The following SAMD3 variants were observed in gnomAD, a reference collection of about 807,000 sequenced individuals.
SAMD3 encodes the protein sterile alpha motif domain containing 3.
Under a neutral mutation model 58.5 loss-of-function variants are expected in SAMD3, and 63 were observed. That is an observed-to-expected ratio of 1.08 (90% confidence interval 0.88 to 1.33). SAMD3 has a LOEUF of 1.33. Ranked by LOEUF, SAMD3 falls within the 40% of genes most tolerant of loss-of-function variation. The pLI, the probability that SAMD3 is intolerant of heterozygous loss-of-function variation, is 0.00. For synonymous variants in SAMD3, 220 were observed against 210.3 expected (o/e 1.05, Z -0.40); for missense variants, 604 against 608.4 (o/e 0.99, Z 0.08).
intron 2 of SAMD3, among the ~76,000 whole-genome samples, chr6:130,296,918 G>A (rs1434033957): frequency 6.6e-6 from 1 of 152,144 alleles, no homozygotes; most frequent in Non-Finnish European, 1.5e-5. Flanking sequence ...AGGATGAGGA[G>A]TTGGTACACA....
chr6:130,168,039 G>A (rs1245011395), intron 8 of SAMD3, among the ~76,000 whole-genome samples: 1 of 152,168 alleles, frequency 6.6e-6, no homozygotes. Context: ...AGAATGCAGT[G>A]GGTGGAGGGT....
At chr6:130,229,819 C>G (rs6927351) in intron 2 of SAMD3, among the ~76,000 whole-genome samples, 4 of 151,908 alleles carry the variant, frequency 2.6e-5, no homozygotes, top group African/African-American at 9.7e-5. Context: ...GTAAATGAAC[C>G]GCATAGGGAG....
chr6:130,261,190 G>A lies in SAMD3; in HGVS notation c.-187-38377C>T, dbSNP rs61704414. Among the ~76,000 whole-genome samples, 12 of 130,666 alleles carry A rather than the reference G, an allele frequency of 9.2e-5. No homozygotes were observed. The East Asian group carries it at 1.4e-3, about 15-fold the overall frequency. The allele number at this position is 130,666 out of a possible 152,430, so 85.7% of individuals were successfully genotyped here. On this transcript the variant is annotated intron_variant, in intron 2 of 13. Coordinates refer to the SAMD3 transcript ENST00000368134. Reference sequence around the variant, plus strand: ...GAAGCGTGGCCTGATCACCCACGGCGTGCCTTTATCAGCACTTTGGTTTTG... The same window carrying A: ...GAAGCGTGGCCTGATCACCCACGGCATGCCTTTATCAGCACTTTGGTTTTG...
chr6:130,326,366 C>CTTTTTTTTTT (rs1444494681), intron 1 of SAMD3, among the ~76,000 whole-genome samples: 2 of 113,264 alleles, frequency 1.8e-5, no homozygotes, highest in Non-Finnish European at 1.8e-5. Context: ...AATGCCTGGT[C>CTTTTTTTTTT]ATTTTTTTTT....
chr6:130,300,068 CA>C (rs909045631), intron 2 of SAMD3, among the ~76,000 whole-genome samples: 19 of 152,172 alleles, frequency 1.2e-4, no homozygotes, highest in Admixed American at 2.0e-4. Context: ...GAAAGTATTG[CA>C]AAAAATCAAG....
intron 4 of SAMD3, among the ~76,000 whole-genome samples, chr6:130,210,826 A>C (rs1795478763): frequency 6.6e-6 from 1 of 152,008 alleles, no homozygotes; most frequent in South Asian, 2.1e-4. Context: ...AAGTCTAATA[A>C]GAAACATTTA....
At chr6:130,150,735 A>T in intron 9 of SAMD3, among the ~76,000 whole-genome samples, 1 of 147,964 alleles carries the variant, frequency 6.8e-6, no homozygotes, top group African/African-American at 2.5e-5. Context: ...TTTTTGAGAC[A>T]GAATCTCACT....
intron 2 of SAMD3, among the ~76,000 whole-genome samples, chr6:130,308,350 ATT>A (rs1775980494): frequency 8.8e-5 from 1 of 11,408 alleles, no homozygotes; most frequent in Admixed American, 8.7e-4. Context: ...AGTTCATAGA[ATT>A]CTATTCTATT....
At chr6:130,251,911 G>C (rs1773750789) in intron 2 of SAMD3, among the ~76,000 whole-genome samples, 1 of 151,776 alleles carries the variant, frequency 6.6e-6, no homozygotes, top group Non-Finnish European at 1.5e-5. Context: ...CTACAGATGT[G>C]TTAGGTCTAG....
intron 1 of SAMD3, among the ~76,000 whole-genome samples, chr6:130,316,021 T>G (rs1776354976): frequency 6.6e-6 from 1 of 152,082 alleles, no homozygotes. Context: ...CCGGGCGTGG[T>G]GGCTCACCCT....
intron 2 of SAMD3, among the ~76,000 whole-genome samples, chr6:130,259,259 T>C (rs958335349): frequency 3.3e-5 from 5 of 152,180 alleles, no homozygotes; most frequent in Non-Finnish European, 5.9e-5. Flanking sequence ...ATTCTGATGG[T>C]TAGAAAGTTC....
intron 1 of SAMD3, among the ~76,000 whole-genome samples, chr6:130,330,570 T>C (rs982340461): frequency 1.3e-5 from 2 of 152,130 alleles, no homozygotes; most frequent in South Asian, 2.1e-4. Context: ...TATGTGACCA[T>C]TGAGTTTGAG....
chr6:130,284,417 CTTAG>C (rs1775088791), intron 2 of SAMD3, among the ~76,000 whole-genome samples: 1 of 151,632 alleles, frequency 6.6e-6, no homozygotes, highest in Admixed American at 6.6e-5. Flanking sequence ...TTAAAGATAA[CTTAG>C]TTAATCTTAT....
At chr6:130,253,375 T>A (rs1180769387) in intron 2 of SAMD3, among the ~76,000 whole-genome samples, 1 of 152,222 alleles carries the variant, frequency 6.6e-6, no homozygotes, top group East Asian at 1.9e-4. Context: ...ACAACCATCT[T>A]GAGCTACTAC....
chr6:130,173,088 C>T (rs1202769742), intron 8 of SAMD3, among the ~76,000 whole-genome samples: 1 of 152,158 alleles, frequency 6.6e-6, no homozygotes, highest in Non-Finnish European at 1.5e-5. Flanking sequence ...TTCTAGTTAA[C>T]AGTTCCTGTA....
At chr6:130,362,746 G>T (rs895117854) in intron 1 of SAMD3, among the ~76,000 whole-genome samples, 1 of 152,146 alleles carries the variant, frequency 6.6e-6, no homozygotes, top group African/African-American at 2.4e-5. Flanking sequence ...AGTCGTATCA[G>T]CCTCAACATT....
In SAMD3 at chr6:130,183,584, T is replaced by A. The variant is rs1160599230; in HGVS notation, c.654+519A>T. 1.4e-5 allele frequency: 5 copies of A among 356,190 alleles called. No individual in the cohort carries two copies. In the East Asian group the frequency reaches 3.8e-4, roughly 27 times the overall value. The allele number at this position is 356,190 out of a possible 1,614,324, so 22.1% of individuals were successfully genotyped here. A position where few individuals can be genotyped will look rare whatever the true frequency, so the allele number is the denominator to read the frequency against. ...ATCTCCTAAAGACCCTTCCTAACCC[T>A]TAAAACCCTTAAGACTCTAAAGCGA... On this transcript the variant is annotated intron_variant, in intron 7 of 11. Coordinates refer to ENST00000439090, the MANE Select transcript of SAMD3 (RefSeq NM_001017373.4).
intron 1 of SAMD3, among the ~76,000 whole-genome samples, chr6:130,347,244 T>G (rs1777485013): frequency 6.6e-6 from 1 of 152,098 alleles, no homozygotes; most frequent in Non-Finnish European, 1.5e-5. Flanking sequence ...TTTGACGAGT[T>G]GAGAGAACAA....
rs370285658 is a variant in SAMD3 at position 130,173,776 on chromosome 6, C to T, written c.822+2065G>A. 1.6e-4 allele frequency among the ~76,000 whole-genome samples: 24 copies of T among 152,222 alleles called. No homozygotes were observed. In the East Asian group the frequency reaches 1.7e-3, roughly 11 times the overall value. On this transcript the variant is annotated intron_variant, in intron 8 of 11. Transcript: ENST00000439090. ...AGCCAGCAGGCAGGAAGGATTAAAGCCACTGAAGCTGCACCCACAGCTGCC... is the reference window on the plus strand; with the variant it reads ...AGCCAGCAGGCAGGAAGGATTAAAGTCACTGAAGCTGCACCCACAGCTGCC...
Sources: allele counts gnomAD v4.1 joint callset (sites outside exome capture counted in the v4.1 genomes callset), GRCh38; gene constraint gnomAD v4.1.1; transcripts MANE v1.5; gene names NCBI Gene and HGNC (gene_info 2026-07-23, HGNC 2026-07-21).